The following RNF19A variants were observed in gnomAD, a reference collection of about 807,000 sequenced individuals.
The protein encoded by RNF19A is ring finger protein 19A, RBR E3 ubiquitin protein ligase.
Under a neutral mutation model 75.7 loss-of-function variants are expected in RNF19A, and 32 were observed. The observed-to-expected ratio is 0.42, with a 90% CI of 0.32 to 0.57. The LOEUF (loss-of-function observed/expected upper bound fraction) is 0.57, where lower values mean the gene tolerates loss of function less well. Among genes scored for constraint, RNF19A ranks in the 20% least tolerant of loss-of-function variants. The probability of loss-of-function intolerance (pLI) is 0.10; values close to 1 mark genes in which losing one functional copy is unlikely to be tolerated. For missense variants in RNF19A, 782 were observed against 1,036.3 expected (o/e 0.75, Z 3.37); for synonymous variants, 335 against 345.2 (o/e 0.97, Z 0.33).
chr8:100,305,841 T>C (rs1220916296), intron 1 of RNF19A, among the ~76,000 whole-genome samples: 5 of 152,204 alleles, frequency 3.3e-5, no homozygotes, highest in Non-Finnish European at 5.9e-5. Context: ...TAATTTAGGA[T>C]ACCTTACCAT....
rs1355352899 is a variant in RNF19A, at chr8:100,264,063, A to G, written c.1439T>C (p.Ile480Thr). The G allele has an allele frequency of 5.6e-6, 9 of 1,613,686 alleles. No individual in the cohort carries two copies. The highest frequency in any genetic ancestry group is 7.6e-6 in the Non-Finnish European group (9 of 1,179,726). ...VRIEFDDEND[I>T]NVGGTNTAVD... The stretch of plus-strand genomic sequence containing the variant: ...AGCTGTGTTAGTTCCACCAACATTT[A>G]TATCATTTTCATCATCAAATTCAAT... Residue 480 changes from isoleucine to threonine, a missense_variant, in exon 7 of 10, where the codon ATA (isoleucine) becomes ACA (threonine). Transcript: ENST00000341084. This position sits in a 1 kb window ranked among gnomAD's most constrained non-coding sequence, Gnocchi z 4.7.
At position 100,258,711 on chromosome 8, in the gene RNF19A, C is replaced by G. The variant is rs1819566332; in HGVS notation, c.2362G>C (p.Glu788Gln). ...SVVTQTASCSEVSQLNHIAEE... is the reference protein window; with the variant it reads ...SVVTQTASCSQVSQLNHIAEE... The stretch of plus-strand genomic sequence containing the variant: ...GCAATATGATTCAACTGTGAAACTT[C>G]TGAACAGGAAGCAGTTTGGGTAACC... Residue 788 changes from glutamate to glutamine, a missense_variant, in exon 10 of 10, where the codon GAA (glutamate) becomes CAA (glutamine). Glu to Gln is a conservative substitution (Grantham distance 29). Transcript: ENST00000341084. This position sits in a 1 kb window ranked among gnomAD's most constrained non-coding sequence, Gnocchi z 4.3. The G allele has an allele frequency of 6.2e-7, 1 of 1,614,062 alleles. No homozygotes were observed. Among genetic ancestry groups the G allele is most frequent in the Admixed American group, 1.7e-5 (1 of 60,004 alleles).
At chr8:100,266,016 C>A (rs1481970444) in intron 5 of RNF19A, among the ~76,000 whole-genome samples, 1 of 152,232 alleles carries the variant, frequency 6.6e-6, no homozygotes, top group African/African-American at 2.4e-5. Context: ...ATGGAGCAGA[C>A]TTGCAAAGGC....
At chr8:100,272,837 A>ACTGC (rs1303953523) in intron 3 of RNF19A, among the ~76,000 whole-genome samples, 1 of 134,338 alleles carries the variant, frequency 7.4e-6, no homozygotes, top group Non-Finnish European at 1.7e-5. Flanking sequence ...GGCATAAGCC[A>ACTGC]CTGCGCCCAG....
intron 1 of RNF19A, among the ~76,000 whole-genome samples, chr8:100,319,773 A>G (rs1452163748): frequency 6.6e-5 from 10 of 151,116 alleles, no homozygotes; most frequent in Non-Finnish European, 1.2e-4. Context: ...CAGGTGGCCC[A>G]ACTACCTCAG....
At position 100,329,067 on chromosome 8, in the gene RNF19A, A is replaced by C. The variant is rs192350099; in HGVS notation, c.-243+7041T>G. ...TGTGACTAATTCCAGGTGCCTCCAG[A>C]TCTGTCCTGGCTGCTACCCTTTAAT... is the stretch of plus-strand genomic sequence containing the variant. On this transcript the variant is annotated intron_variant, in intron 1 of 3. Transcript: ENST00000519527. This position sits in a 1 kb window ranked among gnomAD's most constrained non-coding sequence, Gnocchi z 4.3. Among the ~76,000 whole-genome samples the C allele has an allele frequency of 2.0e-5, 3 of 152,246 alleles. No individual in the cohort carries two copies. In the East Asian group the frequency reaches 5.8e-4, roughly 29 times the overall value.
intron 2 of RNF19A, among the ~76,000 whole-genome samples, chr8:100,277,301 G>A (rs1401541999): frequency 2.0e-5 from 3 of 152,034 alleles, no homozygotes; most frequent in African/African-American, 7.2e-5. Flanking sequence ...TGGACTTGTT[G>A]ATCCCTTAGT....
chr8:100,274,726 T>C (rs542799904), intron 3 of RNF19A, among the ~76,000 whole-genome samples: 36 of 152,260 alleles, frequency 2.4e-4, no homozygotes, highest in African/African-American at 8.2e-4. Flanking sequence ...TCTTTGGCTA[T>C]CAGTTATATA....
In RNF19A at chr8:100,333,427, G is replaced by C. The variant is rs546237589; in HGVS notation, c.-243+2681C>G. Among the ~76,000 whole-genome samples, 1 of 152,144 alleles carries C rather than the reference G, an allele frequency of 6.6e-6. No individual in the cohort carries two copies. Among genetic ancestry groups the C allele is most frequent in the Non-Finnish European group, 1.5e-5 (1 of 68,024 alleles). On this transcript the variant is annotated intron_variant, in intron 1 of 3. Transcript: ENST00000519527. This position sits in a 1 kb window ranked among gnomAD's most constrained non-coding sequence, Gnocchi z 4.7. ...AAGTTCACATAGCTACAAAAACAAA[G>C]CTTAAAGCTATTAATGACAAGAGAA...
rs576507689 is a variant in RNF19A, at chr8:100,320,934, T to C, written c.-242-7562A>G. Among the ~76,000 whole-genome samples, 5 of 152,330 alleles carry C rather than the reference T, an allele frequency of 3.3e-5. No individual in the cohort carries two copies. The East Asian group carries it at 5.8e-4, about 18-fold the overall frequency. ...TGCAATAGCATCACGTGTAAAAATG[T>C]ATATACCTTAATTTAAAAATACTTC... On this transcript the variant is annotated intron_variant, in intron 1 of 3. Coordinates refer to the RNF19A transcript ENST00000519527.
intron 1 of RNF19A, among the ~76,000 whole-genome samples, chr8:100,289,067 A>AC (rs983799858): frequency 9.2e-5 from 14 of 151,844 alleles, no homozygotes; most frequent in Middle Eastern, 3.4e-3. Flanking sequence ...CTCAAAAAAA[A>AC]AAAAAAAAAA....
In RNF19A at chr8:100,329,186, A is replaced by T. The variant is rs1187865703; in HGVS notation, c.-243+6922T>A. ...TGGCACAAAGCAAAAGTGGGTGCAAAGGTTGGCAGTGGCTGACTTGAAACC... is the reference window on the plus strand; with the variant it reads ...TGGCACAAAGCAAAAGTGGGTGCAATGGTTGGCAGTGGCTGACTTGAAACC... On this transcript the variant is annotated intron_variant, in intron 1 of 3. Transcript: ENST00000519527. The surrounding 1 kb of genome is among the most constrained non-coding windows in gnomAD (Gnocchi z 4.3). 6.6e-6 allele frequency among the ~76,000 whole-genome samples: 1 copy of T among 152,180 alleles called. No individual in the cohort carries two copies. The highest frequency in any genetic ancestry group is 1.5e-5 in the Non-Finnish European group (1 of 68,024).
chr8:100,309,297 C>A, intron 1 of RNF19A: 1 of 985,286 alleles, frequency 1.0e-6, no homozygotes, highest in Non-Finnish European at 1.2e-6. Context: ...CCCGGACTAA[C>A]CTTCCTCCGA....
chr8:100,323,465 G>A lies in RNF19A; in HGVS notation c.-242-10093C>T, dbSNP rs1434150954. Among the ~76,000 whole-genome samples the A allele has an allele frequency of 5.3e-5, 8 of 152,142 alleles. No homozygotes were observed. In the South Asian group the frequency reaches 6.2e-4, roughly 12 times the overall value. The stretch of plus-strand genomic sequence containing the variant: ...CAGCCTGTTTTTGCAGGATGACCAC[G>A]TTTCACCCTTCTTTTCTGCCATCCA... On this transcript the variant is annotated intron_variant, in intron 1 of 3. Coordinates refer to the RNF19A transcript ENST00000519527. The surrounding 1 kb of genome is among the most constrained non-coding windows in gnomAD (Gnocchi z 4.6).
At chr8:100,299,367 C>T (rs1372232507) in intron 1 of RNF19A, among the ~76,000 whole-genome samples, 1 of 152,198 alleles carries the variant, frequency 6.6e-6, no homozygotes, top group Non-Finnish European at 1.5e-5. Flanking sequence ...TCCAAATTCT[C>T]CCAAGTATTA....
intron 2 of RNF19A, among the ~76,000 whole-genome samples, chr8:100,279,670 C>T (rs148683525): frequency 2.2e-4 from 33 of 152,200 alleles, no homozygotes; most frequent in South Asian, 1.5e-3. Context: ...ATTACAGGGG[C>T]GCATCACCAT....
rs375948413 is a variant in RNF19A at position 100,305,418 on chromosome 8, C to T, written c.-94+4449G>A. Reference sequence around the variant, plus strand: ...GTTCTGCAGAAAGAAACATGTCATACAAAACGCCCCTAGAGCTACGCTGTC... The same window carrying T: ...GTTCTGCAGAAAGAAACATGTCATATAAAACGCCCCTAGAGCTACGCTGTC... On this transcript the variant is annotated intron_variant, in intron 1 of 9. Transcript: ENST00000341084. Among the ~76,000 whole-genome samples, 53 of 152,284 alleles carry T rather than the reference C, an allele frequency of 3.5e-4. 1 individual carries two copies. In the South Asian group the frequency reaches 0.011, roughly 31 times the overall value.
At chr8:100,263,850 A>AC (rs1378000416) in intron 7 of RNF19A, among the ~76,000 whole-genome samples, 184 bp downstream of exon 7, 9 of 152,236 alleles carry the variant, frequency 5.9e-5, no homozygotes, top group Non-Finnish European at 1.3e-4. Context: ...ACCCAGAATT[A>AC]CCCCCACCTC....
chr8:100,329,438 C>T lies in RNF19A; in HGVS notation c.-243+6670G>A, dbSNP rs1345969482. Among the ~76,000 whole-genome samples the T allele has an allele frequency of 6.6e-6, 1 of 151,810 alleles. No homozygotes were observed. The highest frequency in any genetic ancestry group is 1.5e-5 in the Non-Finnish European group (1 of 67,942). ...GTGATACAGTGCTGCAAAAACAAAACAAAACAAAACAAACAAACAAACAAA... is the reference window on the plus strand; with the variant it reads ...GTGATACAGTGCTGCAAAAACAAAATAAAACAAAACAAACAAACAAACAAA... On this transcript the variant is annotated intron_variant, in intron 1 of 3. Transcript: ENST00000519527. The surrounding 1 kb of genome is among the most constrained non-coding windows in gnomAD (Gnocchi z 4.3).
Sources: allele counts gnomAD v4.1 joint callset (sites outside exome capture counted in the v4.1 genomes callset), GRCh38; gene constraint gnomAD v4.1.1; non-coding constraint Gnocchi (gnomAD v3.1); transcripts MANE v1.5; gene names NCBI Gene and HGNC (gene_info 2026-07-23, HGNC 2026-07-21).